COL12A1: variants seen among roughly 807,000 people sequenced by gnomAD.
The protein encoded by COL12A1 is collagen type XII alpha 1 chain, also known as collagen alpha-1(XII) chain.
In COL12A1, 114 loss-of-function variants were observed where a neutral mutation model predicts 349.7. The ratio of observed to expected loss-of-function variants is 0.33; its 90% CI spans 0.28 to 0.38. The LOEUF is 0.38. COL12A1 is among the 10% of genes least tolerant of loss of function. COL12A1 has a pLI of 1.00. For synonymous variants in COL12A1, 1,369 were observed against 1,329.0 expected (o/e 1.03, Z -0.66); for missense variants, 3,284 against 3,756.9 (o/e 0.87, Z 3.29).
chr6:75,160,228 T>C (rs1019289705), intron 14 of COL12A1, among the ~76,000 whole-genome samples: 1 of 152,184 alleles, frequency 6.6e-6, no homozygotes, highest in Non-Finnish European at 1.5e-5. Flanking sequence ...GTACCACTGC[T>C]AAGCCAGCTG....
chr6:75,131,943 T>A lies in COL12A1; in HGVS notation c.5934A>T (p.Glu1978Asp), dbSNP rs1294606581. The change falls in exon 35 of 66, where the codon GAA (glutamate) becomes GAT (aspartate). Residue 1978 changes from glutamate (E) to aspartate (D), a missense_variant. Glu to Asp is a conservative substitution (Grantham distance 45, BLOSUM62 2). This residue lies in a region of COL12A1 where 2,601 missense variants were observed against 2,824.8 expected (regional missense o/e 0.92). Coordinates refer to ENST00000322507, the MANE Select transcript of COL12A1 (RefSeq NM_004370.6). ...YSPVDGTRPS[E>D]SIVVPGNTRM... ...TTTCCATGACAAAATTACTTACAGA[T>A]TCTGAGGGTCTTGTGCCATCCACAG... The A allele has an allele frequency of 6.2e-7, 1 of 1,613,430 alleles. No homozygotes were observed. The highest frequency in any genetic ancestry group is 8.5e-7 in the Non-Finnish European group (1 of 1,179,764).
rs1252490929 is a variant in COL12A1 at position 75,113,211 on chromosome 6, A to G, written c.7943T>C (p.Phe2648Ser). Residue 2648 changes from phenylalanine (F) to serine (S), a missense_variant, in exon 51 of 66, where the codon TTT becomes TCT. By Grantham distance (155) the Phe-to-Ser change is radical. Around this residue, in one of 2 missense-constraint regions of COL12A1, gnomAD observed 683 missense variants for 932.1 expected, o/e 0.73. Transcript: ENST00000322507. ...ATAATCTTATGTTTTTACCTTGTGA[A>G]AACTTCCATAAAATAATGTCTTTAC... ...EEVKTLFYGS[F>S]HKVHIVVTSK... 1.3e-6 allele frequency: 2 copies of G among 1,534,708 alleles called. No homozygotes were observed. The highest frequency in any genetic ancestry group is 1.3e-5 in the South Asian group (1 of 77,430).
At chr6:75,118,978 A>G (rs1769219287) in intron 46 of COL12A1, 65 bp downstream of exon 46, 1 of 1,599,890 alleles carries the variant, frequency 6.3e-7, no homozygotes, top group African/African-American at 1.3e-5. Flanking sequence ...AGTCTTTTGC[A>G]ATCATTTGTG....
At chr6:75,128,850 T>A (rs902691184) in intron 37 of COL12A1, among the ~76,000 whole-genome samples, 2 of 152,230 alleles carry the variant, frequency 1.3e-5, no homozygotes, top group Non-Finnish European at 2.9e-5. Context: ...GGACAGGTAT[T>A]AGCTACTGGG....
chr6:75,155,314 T>C (rs240741), intron 16 of COL12A1, among the ~76,000 whole-genome samples: 20,874 of 152,098 alleles, frequency 0.14, 2,952 homozygotes, highest in African/African-American at 0.36. Context: ...GGAACCCCCA[T>C]GCTTCCACAT....
intron 49 of COL12A1, among the ~76,000 whole-genome samples, chr6:75,114,167 T>C: frequency 6.6e-6 from 1 of 152,030 alleles, no homozygotes; most frequent in Non-Finnish European, 1.5e-5. Flanking sequence ...TTACTAAATA[T>C]ACTTAATTTC....
chr6:75,126,311 C>T (rs1343001161), intron 39 of COL12A1, 40 bp downstream of exon 39: 1 of 1,585,660 alleles, frequency 6.3e-7, no homozygotes, highest in Non-Finnish European at 8.6e-7. Context: ...TGCAAATAAC[C>T]CTCCAAAGCA....
chr6:75,148,282 A>G (rs1767303013), intron 22 of COL12A1, 76 bp downstream of exon 22: 1 of 1,444,206 alleles, frequency 6.9e-7, no homozygotes, highest in African/African-American at 1.4e-5. Flanking sequence ...CTCACCTAAC[A>G]TTATTCTCAG....
At chr6:75,108,922 A>AAAAAT (rs1445158227) in intron 52 of COL12A1, 96 bp downstream of exon 52, 10 of 1,338,586 alleles carry the variant, frequency 7.5e-6, no homozygotes, top group Admixed American at 2.3e-5. Flanking sequence ...ACTCACTGAG[A>AAAAAT]AAAATAGAAT....
At chr6:75,150,722 T>C (rs558220586) in intron 21 of COL12A1, among the ~76,000 whole-genome samples, 7 of 152,194 alleles carry the variant, frequency 4.6e-5, no homozygotes, top group East Asian at 1.9e-4. Flanking sequence ...AGACAATAGG[T>C]ATATACCAGA....
At chr6:75,098,885 T>G (rs950702179) in intron 58 of COL12A1, among the ~76,000 whole-genome samples, 2 of 152,182 alleles carry the variant, frequency 1.3e-5, no homozygotes, top group Non-Finnish European at 2.9e-5. Flanking sequence ...TTTTTCTCTC[T>G]CTCTGTACAG....
At chr6:75,105,915 T>C (rs79460986) in intron 53 of COL12A1, among the ~76,000 whole-genome samples, 310 of 152,254 alleles carry the variant, frequency 2.0e-3, no homozygotes, top group African/African-American at 7.0e-3. Flanking sequence ...GAATAAATAA[T>C]GCACACTCTT....
At chr6:75,088,186 A>G (rs1300520293) in intron 64 of COL12A1, among the ~76,000 whole-genome samples, 1 of 152,218 alleles carries the variant, frequency 6.6e-6, no homozygotes, top group Non-Finnish European at 1.5e-5. Flanking sequence ...ACATAAATGG[A>G]AAGATTTAGC....
intron 28 of COL12A1, 116 bp downstream of exon 28, chr6:75,138,706 G>A: frequency 6.4e-7 from 1 of 1,557,100 alleles, no homozygotes; most frequent in Admixed American, 1.8e-5. Context: ...CATGTCATGA[G>A]CTCAAATGTC....
chr6:75,161,892 C>T (rs1380920292), intron 14 of COL12A1, among the ~76,000 whole-genome samples: 17 of 152,120 alleles, frequency 1.1e-4, no homozygotes, highest in Admixed American at 1.1e-3. Flanking sequence ...TGAGTGAACT[C>T]CCATTCACAA....
chr6:75,134,676 A>G (rs772915435), intron 32 of COL12A1, 50 bp downstream of exon 32: 2 of 1,480,978 alleles, frequency 1.4e-6, no homozygotes, highest in Non-Finnish European at 1.8e-6. Context: ...AGATGATTCC[A>G]TTCTAATAGT....
chr6:75,148,470 A>G lies in COL12A1; in HGVS notation c.4175T>C (p.Val1392Ala). ...AGAACGATGGGTTCGCTCAGAAATA[A>G]CTAAGTTAGAAGGTGCTTCCAAATC... is the stretch of plus-strand genomic sequence containing the variant. ...PGDLEAPSNL[V>A]ISERTHRSFR... is the part of the protein sequence containing the mutation. Residue 1392 changes from valine to alanine, a missense_variant, in exon 22 of 66, where the codon GTT (valine) becomes GCT (alanine). Physicochemically the swap from Val to Ala is moderately conservative, Grantham distance 64. Around this residue, in one of 2 missense-constraint regions of COL12A1, gnomAD observed 2,601 missense variants for 2,824.8 expected, o/e 0.92. Transcript: ENST00000322507. 2 of 1,613,512 alleles carry G rather than the reference A, an allele frequency of 1.2e-6. No individual in the cohort carries two copies. The highest frequency in any genetic ancestry group is 1.7e-6 in the Non-Finnish European group (2 of 1,179,540).
At chr6:75,099,647 C>A (rs554527705) in intron 58 of COL12A1, among the ~76,000 whole-genome samples, 1 of 152,262 alleles carries the variant, frequency 6.6e-6, no homozygotes, top group East Asian at 1.9e-4. Context: ...TCATTTTTTG[C>A]TGCAAGCCAC....
In COL12A1 at chr6:75,156,252, C is replaced by T. The variant is rs1767755254; in HGVS notation, c.3250+5G>A. On this transcript the variant is annotated splice_donor_5th_base_variant and intron_variant, in intron 15 of 65. Transcript: ENST00000322507. ...CCCCCTCAAAATATAATTATTATTT[C>T]ATACCTGTTGTTCCTGATCCTTGCC... 1 of 1,613,146 alleles carries T rather than the reference C, an allele frequency of 6.2e-7. No individual in the cohort carries two copies. The highest frequency in any genetic ancestry group is 1.3e-5 in the African/African-American group (1 of 74,854).
Sources: gnomAD v4.1 joint callset for allele counts (sites outside exome capture counted in the v4.1 genomes callset) on GRCh38, gnomAD v4.1.1 for gene constraint, gnomAD v4.1.1 regional missense constraint, MANE v1.5 for transcripts, NCBI Gene and HGNC (gene_info 2026-07-23, HGNC 2026-07-21) for gene names.